The following CALD1 variants were observed in gnomAD, a reference collection of about 807,000 sequenced individuals.
The protein encoded by CALD1 is caldesmon.
Under a neutral mutation model 99.9 loss-of-function variants are expected in CALD1, and 33 were observed. That is an observed-to-expected ratio of 0.33 (90% confidence interval 0.25 to 0.44). The LOEUF (loss-of-function observed/expected upper bound fraction) is 0.44. CALD1 is among the 20% of genes least tolerant of loss of function. CALD1 has a pLI of 1.00. For synonymous variants in CALD1, 310 were observed against 325.0 expected (o/e 0.95, Z 0.50); for missense variants, 861 against 962.1 (o/e 0.89, Z 1.39).
intron 14 of CALD1, among the ~76,000 whole-genome samples, chr7:134,967,637 C>T (rs892362558): frequency 6.6e-6 from 1 of 152,060 alleles, no homozygotes; most frequent in African/African-American, 2.4e-5. Flanking sequence ...TGATGTGGCC[C>T]TCACTGAGCT....
the CALD1 span, among the ~76,000 whole-genome samples, chr7:134,721,687 G>C: frequency 1.3e-5 from 2 of 152,124 alleles, no homozygotes; most frequent in East Asian, 1.9e-4. Context: ...CCTCAGGCCA[G>C]TTATTCCACC....
At chr7:134,882,587 A>C (rs780317866) in intron 3 of CALD1, among the ~76,000 whole-genome samples, 8 of 152,216 alleles carry the variant, frequency 5.3e-5, no homozygotes, top group Non-Finnish European at 5.9e-5. Flanking sequence ...ACAGTGAACA[A>C]ACTGTATAAT....
chr7:134,787,060 T>C (rs1451472476), intron 1 of CALD1, among the ~76,000 whole-genome samples: 2 of 152,216 alleles, frequency 1.3e-5, no homozygotes, highest in African/African-American at 2.4e-5. Context: ...GTTAAAATAA[T>C]TGATAGTAGA....
intron 1 of CALD1, among the ~76,000 whole-genome samples, chr7:134,789,488 C>G (rs1218252427): frequency 6.6e-6 from 1 of 152,214 alleles, no homozygotes. Flanking sequence ...AAATTTACCA[C>G]TTTTTTCACT....
intron 1 of CALD1, among the ~76,000 whole-genome samples, chr7:134,792,080 T>C (rs1470577874): frequency 6.6e-6 from 1 of 152,130 alleles, no homozygotes; most frequent in Non-Finnish European, 1.5e-5. Context: ...AGCCAAACCA[T>C]ATCTGATGCC....
intron 1 of CALD1, among the ~76,000 whole-genome samples, chr7:134,749,261 T>C (rs528566583): frequency 2.0e-5 from 3 of 152,308 alleles, no homozygotes; most frequent in Admixed American, 1.3e-4. Flanking sequence ...AAGGAACACC[T>C]CTCAGCCCTG....
chr7:134,722,413 ATTTATTTG>A, the CALD1 span, among the ~76,000 whole-genome samples: 4 of 150,528 alleles, frequency 2.7e-5, no homozygotes, highest in African/African-American at 9.8e-5. Flanking sequence ...TTATTTATTT[ATTTATTTG>A]TTTGTTTGTT....
At chr7:134,849,737 G>C (rs896898557) in intron 2 of CALD1, among the ~76,000 whole-genome samples, 1 of 152,162 alleles carries the variant, frequency 6.6e-6, no homozygotes, top group African/African-American at 2.4e-5. Flanking sequence ...TTTATGAAAT[G>C]CTCATGAGAA....
chr7:134,932,087 C>T, intron 4 of CALD1, among the ~76,000 whole-genome samples: 1 of 152,162 alleles, frequency 6.6e-6, no homozygotes, highest in South Asian at 2.1e-4. Flanking sequence ...AGGGAGTGCA[C>T]CTCTGTTTGT....
chr7:134,716,018 T>A, the CALD1 span, among the ~76,000 whole-genome samples: 1 of 152,204 alleles, frequency 6.6e-6, no homozygotes, highest in Non-Finnish European at 1.5e-5. Context: ...GCAGGTTAGT[T>A]ACATATGTAT....
chr7:134,747,390 A>G (rs1208757585), intron 1 of CALD1, among the ~76,000 whole-genome samples: 3 of 152,192 alleles, frequency 2.0e-5, no homozygotes, highest in Non-Finnish European at 4.4e-5. Flanking sequence ...TGTTTCGCCA[A>G]CCCTAGAGGG....
intron 1 of CALD1, among the ~76,000 whole-genome samples, chr7:134,801,220 T>C (rs151270135): frequency 1.7e-3 from 259 of 152,320 alleles, no homozygotes; most frequent in African/African-American, 6.0e-3. Flanking sequence ...TTAATATGCA[T>C]ATATTACAAA....
Position 134,841,346 on chromosome 7 carries a change from T to A in CALD1, c.-129-2538T>A, listed in dbSNP as rs141334745. 2.9e-3 allele frequency among the ~76,000 whole-genome samples: 435 copies of A among 152,358 alleles called. 5 individuals are homozygous for A. Among genetic ancestry groups the A allele is most frequent in the East Asian group, 0.02 (102 of 5,192 alleles). The stretch of plus-strand genomic sequence containing the variant: ...GAGACAATTAATAATGTGTTATTAT[T>A]ACTAGCTCATTCTAACTAAAACCCA... On this transcript the variant is annotated intron_variant, in intron 1 of 14. Transcript: ENST00000361675.
At chr7:134,860,232 T>C (rs116930229) in intron 2 of CALD1, among the ~76,000 whole-genome samples, 125 of 152,302 alleles carry the variant, frequency 8.2e-4, no homozygotes, top group Non-Finnish European at 1.6e-3. Flanking sequence ...TGAGCTAAAG[T>C]TAAGTGCAAA....
intron 2 of CALD1, among the ~76,000 whole-genome samples, chr7:134,855,700 G>C (rs112796016): frequency 0.021 from 3,166 of 152,284 alleles, 55 homozygotes; most frequent in Non-Finnish European, 0.03. Flanking sequence ...TTGGCAGAGT[G>C]ATCTTTGGTT....
intron 4 of CALD1, 125 bp from the exon 5 acceptor site, chr7:134,932,863 C>T (rs760504235): frequency 6.4e-5 from 39 of 611,202 alleles, no homozygotes; most frequent in Non-Finnish European, 1.0e-4. Context: ...TGGTAACGTA[C>T]TGGGGATATG....
chr7:134,917,378 T>G (rs1804289195), intron 3 of CALD1, among the ~76,000 whole-genome samples: 1 of 152,194 alleles, frequency 6.6e-6, no homozygotes, highest in African/African-American at 2.4e-5. Context: ...GACGGAGTTT[T>G]GTTCTTGTTG....
At chr7:134,742,463 G>A (rs1796600314), upstream of CALD1, among the ~76,000 whole-genome samples, 1 of 152,190 alleles carries the variant, frequency 6.6e-6, no homozygotes, top group Non-Finnish European at 1.5e-5. Flanking sequence ...CCTCCCAGCT[G>A]TGGAATGTCT....
At chr7:134,776,981 T>C (rs1293900886), upstream of CALD1, among the ~76,000 whole-genome samples, 5 of 152,188 alleles carry the variant, frequency 3.3e-5, no homozygotes, top group African/African-American at 4.8e-5. Flanking sequence ...TAGCCTATGA[T>C]AGACAAGGAG....
Sources: gnomAD v4.1 joint callset for allele counts (sites outside exome capture counted in the v4.1 genomes callset) on GRCh38, gnomAD v4.1.1 for gene constraint, MANE v1.5 for transcripts, NCBI Gene and HGNC (gene_info 2026-07-23, HGNC 2026-07-21) for gene names.